KCNQ5: variants seen among roughly 807,000 people sequenced by gnomAD.
KCNQ5 encodes the protein potassium voltage-gated channel subfamily Q member 5, also known as potassium voltage-gated channel subfamily KQT member 5.
A neutral mutation model predicts 98.2 loss-of-function variants in KCNQ5; 30 were observed. The ratio of observed to expected loss-of-function variants is 0.31; its 90% confidence interval spans 0.23 to 0.41. The LOEUF is 0.41. KCNQ5 is among the 10% of genes least tolerant of loss of function. The pLI, the probability that KCNQ5 is intolerant of heterozygous loss-of-function variation, is 1.00. For synonymous variants in KCNQ5, 458 were observed against 449.4 expected (o/e 1.02, Z -0.24); for missense variants, 835 against 1,182.5 (o/e 0.71, Z 4.31).
chr6:73,041,939 T>C lies in KCNQ5; in HGVS notation c.493T>C (p.Phe165Leu). The C allele has an allele frequency of 6.2e-7, 1 of 1,613,794 alleles. No homozygotes were observed. Among genetic ancestry groups the C allele is most frequent in the Non-Finnish European group, 8.5e-7 (1 of 1,179,748 alleles). Reference protein sequence around the residue: ...LASSCLLILEFVMIVVFGLEF... With the variant: ...LASSCLLILELVMIVVFGLEF... ...TATGTCTTATCTGATATTTTAGGAG[T>C]TCGTGATGATTGTCGTCTTTGGTTT... is the stretch of plus-strand genomic sequence containing the variant. The change falls in exon 3 of 14, where the codon TTC (phenylalanine) becomes CTC (leucine). Residue 165 changes from phenylalanine (F) to leucine (L), a missense_variant. Physicochemically the swap from Phe to Leu is conservative, Grantham distance 22 (BLOSUM62 0). Coordinates refer to ENST00000370398, the MANE Select transcript of KCNQ5 (RefSeq NM_019842.4).
At chr6:72,883,130 G>A (rs944008690) in intron 1 of KCNQ5, among the ~76,000 whole-genome samples, 10 of 152,174 alleles carry the variant, frequency 6.6e-5, no homozygotes, top group African/African-American at 2.4e-4. Context: ...TTCTTAAGAG[G>A]TGTCAAGTAA....
At chr6:72,699,759 T>C (rs894255004) in intron 1 of KCNQ5, among the ~76,000 whole-genome samples, 1 of 152,216 alleles carries the variant, frequency 6.6e-6, no homozygotes, top group Admixed American at 6.5e-5. Context: ...AATTTGAACT[T>C]TGGTTAATTT....
At chr6:72,630,056 C>T (rs1380107368) in intron 1 of KCNQ5, among the ~76,000 whole-genome samples, 1 of 152,168 alleles carries the variant, frequency 6.6e-6, no homozygotes, top group Non-Finnish European at 1.5e-5. Flanking sequence ...ATTTCATACT[C>T]ATACAAATAC....
intron 1 of KCNQ5, among the ~76,000 whole-genome samples, chr6:72,722,327 G>A (rs565470936): frequency 2.0e-5 from 3 of 152,166 alleles, no homozygotes; most frequent in Non-Finnish European, 4.4e-5. Context: ...CCTAAAAGCC[G>A]TCCTTGGCCC....
At chr6:72,635,870 C>T (rs74389935) in intron 1 of KCNQ5, among the ~76,000 whole-genome samples, 3,282 of 151,804 alleles carry the variant, frequency 0.022, 41 homozygotes, top group Non-Finnish European at 0.034. Flanking sequence ...TTACATATTG[C>T]TCTATGGTAA....
chr6:72,888,135 A>G (rs1778919702), intron 1 of KCNQ5, among the ~76,000 whole-genome samples: 1 of 152,186 alleles, frequency 6.6e-6, no homozygotes, highest in Admixed American at 6.5e-5. Flanking sequence ...ACATAAAGTA[A>G]AACGTTAAAA....
intron 1 of KCNQ5, among the ~76,000 whole-genome samples, chr6:72,945,218 T>A (rs1041563765): frequency 3.9e-5 from 6 of 152,138 alleles, no homozygotes; most frequent in Admixed American, 3.3e-4. Context: ...TCCTACAAAT[T>A]TAAGGGAAAA....
At chr6:73,104,520 CTA>C (rs1276919246) in intron 5 of KCNQ5, among the ~76,000 whole-genome samples, 1 of 152,194 alleles carries the variant, frequency 6.6e-6, no homozygotes, top group Non-Finnish European at 1.5e-5. Flanking sequence ...AGAATCTACT[CTA>C]TGTGTTCTCA....
intron 1 of KCNQ5, among the ~76,000 whole-genome samples, chr6:72,966,711 A>G (rs1767636758): frequency 6.6e-6 from 1 of 152,230 alleles, no homozygotes; most frequent in Admixed American, 6.5e-5. Context: ...TTCAATTTAA[A>G]ATCCATGACT....
At chr6:73,037,240 A>C (rs1736939500) in intron 2 of KCNQ5, among the ~76,000 whole-genome samples, 4 of 152,232 alleles carry the variant, frequency 2.6e-5, no homozygotes, top group Admixed American at 1.3e-4. Context: ...TTGAGTTTTA[A>C]GGTTTCTTTA....
intron 1 of KCNQ5, among the ~76,000 whole-genome samples, chr6:72,865,566 C>T (rs1219662211): frequency 6.6e-6 from 1 of 152,114 alleles, no homozygotes; most frequent in Non-Finnish European, 1.5e-5. Flanking sequence ...CATAAGGGAT[C>T]CTGAACAGGA....
intron 3 of KCNQ5, among the ~76,000 whole-genome samples, chr6:73,063,535 C>G (rs992985711): frequency 3.9e-5 from 6 of 151,990 alleles, no homozygotes; most frequent in African/African-American, 1.5e-4. Context: ...AAAAACTGCT[C>G]TAATCTAGTG....
At chr6:72,733,096 T>C (rs1361388297) in intron 1 of KCNQ5, among the ~76,000 whole-genome samples, 1 of 152,124 alleles carries the variant, frequency 6.6e-6, no homozygotes, top group African/African-American at 2.4e-5. Context: ...TAGAGAAGGT[T>C]TGAACTTAGG....
intron 1 of KCNQ5, among the ~76,000 whole-genome samples, chr6:72,921,544 C>G (rs1241489602): frequency 2.6e-5 from 4 of 152,142 alleles, no homozygotes; most frequent in Non-Finnish European, 5.9e-5. Flanking sequence ...TCTGGAGCTG[C>G]TACTTACTAG....
chr6:72,728,991 C>CT (rs1357920216), intron 1 of KCNQ5, among the ~76,000 whole-genome samples: 2 of 151,990 alleles, frequency 1.3e-5, no homozygotes, highest in Admixed American at 6.6e-5. Context: ...TTTTTCTTAT[C>CT]TTTTTTTACA....
At chr6:72,806,782 T>C (rs970647861) in intron 1 of KCNQ5, 11 of 450,612 alleles carry the variant, frequency 2.4e-5, no homozygotes, top group African/African-American at 2.2e-4. Flanking sequence ...CCAAACCCGT[T>C]TTTGCTCCTT....
intron 1 of KCNQ5, among the ~76,000 whole-genome samples, chr6:72,873,731 T>C (rs1471895984): frequency 6.6e-6 from 1 of 152,112 alleles, no homozygotes; most frequent in Admixed American, 6.6e-5. Context: ...TTAAAAATAA[T>C]CTAGAAAAAA....
chr6:72,784,865 G>A (rs1009710777), intron 1 of KCNQ5, among the ~76,000 whole-genome samples: 1 of 152,232 alleles, frequency 6.6e-6, no homozygotes, highest in Non-Finnish European at 1.5e-5. Flanking sequence ...CCGTGGTAGA[G>A]ATTACCCCAG....
chr6:72,987,557 G>C lies in KCNQ5; in HGVS notation c.399-16351G>C. The C allele has an allele frequency of 4.7e-6, 3 of 643,610 alleles. No homozygotes were observed. In the East Asian group the frequency reaches 1.1e-4, roughly 23 times the overall value. 39.9% of individuals were successfully genotyped at this position (643,610 alleles called of 1,614,324 possible). ...TCCAAGCCCCGCAGCACGATTGCAA[G>C]GTCCAACATAGCCCTCAGCAAGAAG... On this transcript the variant is annotated intron_variant, in intron 1 of 13. Coordinates refer to ENST00000370398, the MANE Select transcript of KCNQ5 (RefSeq NM_019842.4).
Sources: allele counts gnomAD v4.1 joint callset (sites outside exome capture counted in the v4.1 genomes callset), GRCh38; gene constraint gnomAD v4.1.1; transcripts MANE v1.5; gene names NCBI Gene and HGNC (gene_info 2026-07-23, HGNC 2026-07-21).